The following ERCC1 variants were observed in gnomAD, a reference collection of about 807,000 sequenced individuals.
The protein encoded by ERCC1 is ERCC excision repair 1, endonuclease non-catalytic subunit.
Under a neutral mutation model 37.6 loss-of-function variants are expected in ERCC1, and 36 were observed. The observed-to-expected ratio is 0.96, with a 90% CI of 0.73 to 1.26. The LOEUF (loss-of-function observed/expected upper bound fraction) is 1.26, where lower values mean the gene tolerates loss of function less well. Among genes scored for constraint, ERCC1 ranks in the 50% most tolerant of loss-of-function variants. The probability of loss-of-function intolerance (pLI) is 0.00; values close to 1 mark genes in which losing one functional copy is unlikely to be tolerated. For missense variants in ERCC1, 349 were observed against 376.5 expected (o/e 0.93, Z 0.60); for synonymous variants, 156 against 162.1 (o/e 0.96, Z 0.28).
At chr19:45,430,972 G>A (rs916533330) in intron 1 of ERCC1, among the ~76,000 whole-genome samples, 3 of 151,890 alleles carry the variant, frequency 2.0e-5, no homozygotes, top group Non-Finnish European at 2.9e-5. Flanking sequence ...TACTTAGTTG[G>A]GGGGTGGGGT....
chr19:45,450,197 C>G (rs1244695952), intron 1 of ERCC1, among the ~76,000 whole-genome samples: 1 of 152,118 alleles, frequency 6.6e-6, no homozygotes, highest in Admixed American at 6.6e-5. Context: ...CCTTGCTAGC[C>G]CTGTATCTCT....
chr19:45,409,641 A>AT lies in ERCC1; in HGVS notation c.*33dup, dbSNP rs756488455. 6.8e-7 allele frequency: 1 copy of AT among 1,474,050 alleles called. No individual in the cohort carries two copies. Among genetic ancestry groups the AT allele is most frequent in the Non-Finnish European group, 9.5e-7 (1 of 1,054,840 alleles). 91.3% of individuals were successfully genotyped at this position (1,474,050 alleles called of 1,614,324 possible). On this transcript the variant is annotated 3_prime_UTR_variant, in exon 10 of 10. Coordinates refer to ENST00000300853, the MANE Select transcript of ERCC1 (RefSeq NM_001983.4). ...GCCTGGCCTGGGAGGACGATTTATTATTACACTGGGGGTTTCCTTGGCAGC... is the reference window on the plus strand; with the variant it reads ...GCCTGGCCTGGGAGGACGATTTATTATTTACACTGGGGGTTTCCTTGGCAGC...
At chr19:45,435,537 A>G (rs753666753) in intron 1 of ERCC1, among the ~76,000 whole-genome samples, 1 of 152,150 alleles carries the variant, frequency 6.6e-6, no homozygotes, top group African/African-American at 2.4e-5. Flanking sequence ...ATCACAGCTC[A>G]CTGCAGCCTC....
At chr19:45,410,318 G>C (rs1389238354) in intron 9 of ERCC1, 1 of 151,714 alleles carries the variant, frequency 6.6e-6, no homozygotes, top group Non-Finnish European at 1.5e-5. Flanking sequence ...CGAGTAGCTG[G>C]GCCTAAAGGT....
At chr19:45,415,706 T>C (rs1211329025) in intron 6 of ERCC1, 1 of 417,600 alleles carries the variant, frequency 2.4e-6, no homozygotes, top group African/African-American at 2.3e-5. Flanking sequence ...CCCCGCCAAA[T>C]ACAACCTGGT....
chr19:45,411,582 T>C (rs1973739359), intron 9 of ERCC1, among the ~76,000 whole-genome samples: 1 of 151,760 alleles, frequency 6.6e-6, no homozygotes, highest in South Asian at 2.1e-4. Flanking sequence ...TCACCAGAGG[T>C]CAGGAGTTCA....
At position 45,419,089 on chromosome 19, in the gene ERCC1, C is replaced by T. The variant is rs376918930; in HGVS notation, c.525+9G>A. ...CGGTGAGGCTGGCTAGGGAGCAGCC[C>T]CTGCTTACCACATCCACCTGGACAA... On this transcript the variant is annotated intron_variant, in intron 5 of 9. Coordinates refer to ENST00000300853, the MANE Select transcript of ERCC1 (RefSeq NM_001983.4). 83 of 1,555,116 alleles carry T rather than the reference C, an allele frequency of 5.3e-5. No individual in the cohort carries two copies. The highest frequency in any genetic ancestry group is 6.3e-5 in the Non-Finnish European group (72 of 1,146,226).
chr19:45,431,852 CT>C (rs1258528276), intron 1 of ERCC1, among the ~76,000 whole-genome samples: 2 of 152,096 alleles, frequency 1.3e-5, no homozygotes, highest in Admixed American at 6.5e-5. Context: ...AATTATACCC[CT>C]GGCACCCCAG....
At chr19:45,428,015 G>A (rs1258849121), upstream of ERCC1, among the ~76,000 whole-genome samples, 1 of 151,386 alleles carries the variant, frequency 6.6e-6, no homozygotes, top group Admixed American at 6.6e-5. Context: ...TTATTTCCAA[G>A]TTGGCAAGTT....
chr19:45,438,718 C>T (rs1297768000), intron 1 of ERCC1, among the ~76,000 whole-genome samples: 1 of 151,870 alleles, frequency 6.6e-6, no homozygotes, highest in Non-Finnish European at 1.5e-5. Context: ...CTCGGCTCAG[C>T]GTGACCTCCG....
chr19:45,411,904 T>C (rs1426112003), intron 9 of ERCC1, among the ~76,000 whole-genome samples: 1 of 151,834 alleles, frequency 6.6e-6, no homozygotes, highest in African/African-American at 2.4e-5. Flanking sequence ...TCACCCAGGC[T>C]GGAGTGCAGT....
intron 1 of ERCC1, among the ~76,000 whole-genome samples, chr19:45,437,730 G>C (rs542922338): frequency 3.2e-4 from 49 of 152,292 alleles, no homozygotes; most frequent in African/African-American, 1.1e-3. Context: ...AGAAGATGTT[G>C]ATCAAAGGGT....
chr19:45,446,867 A>G (rs1204585175), intron 1 of ERCC1, among the ~76,000 whole-genome samples: 1 of 152,164 alleles, frequency 6.6e-6, no homozygotes, highest in Non-Finnish European at 1.5e-5. Flanking sequence ...GCGCAGTGGC[A>G]GGCGCCTGTA....
chr19:45,408,633 A>C lies in ERCC1; in HGVS notation c.*1042T>G. The stretch of plus-strand genomic sequence containing the variant: ...AAGAAGAAAAAAAATCAGCAGCTGA[A>C]AGAACCAGAGGCAGCAGGGCCTGTG... On this transcript the variant is annotated 3_prime_UTR_variant, in exon 10 of 10. Coordinates refer to ENST00000300853, the MANE Select transcript of ERCC1 (RefSeq NM_001983.4). 6.2e-7 allele frequency: 1 copy of C among 1,613,836 alleles called. No homozygotes were observed. Among genetic ancestry groups the C allele is most frequent in the Non-Finnish European group, 8.5e-7 (1 of 1,180,014 alleles).
chr19:45,423,199 C>G, intron 2 of ERCC1, 71 bp downstream of exon 2: 1 of 1,466,162 alleles, frequency 6.8e-7, no homozygotes, highest in Non-Finnish European at 9.4e-7. Context: ...CCTGGTCCCA[C>G]AGGCCCCATC....
At chr19:45,433,863 T>C (rs1045815296) in intron 1 of ERCC1, among the ~76,000 whole-genome samples, 3 of 151,994 alleles carry the variant, frequency 2.0e-5, no homozygotes, top group Non-Finnish European at 4.4e-5. Context: ...CTGGGCACAG[T>C]GGCTCACACC....
intron 9 of ERCC1, among the ~76,000 whole-genome samples, chr19:45,412,167 G>GT (rs989248448): frequency 2.7e-5 from 4 of 149,818 alleles, no homozygotes; most frequent in African/African-American, 7.4e-5. Flanking sequence ...CCTATTTTTG[G>GT]TTTTTTTTGA....
At chr19:45,423,676 A>G in intron 1 of ERCC1, 105 bp downstream of exon 1, 1 of 1,262,162 alleles carries the variant, frequency 7.9e-7, no homozygotes, top group Non-Finnish European at 1.0e-6. Context: ...CCCCGAGGCT[A>G]GCATCTGGAC....
At position 45,409,008 on chromosome 19, in the gene ERCC1, T is replaced by C. The variant is rs1291235096; in HGVS notation, c.*667A>G. On this transcript the variant is annotated 3_prime_UTR_variant, in exon 10 of 10. Transcript: ENST00000300853. ...ATGATGGAGCCAGGGACGGAGGCGA[T>C]GGAGCCAGTGGAGCCGGAGATGAAG... The C allele has an allele frequency of 6.2e-7, 1 of 1,613,850 alleles. No homozygotes were observed. Among genetic ancestry groups the C allele is most frequent in the Admixed American group, 1.7e-5 (1 of 59,988 alleles).
Sources: gnomAD v4.1 joint callset for allele counts (sites outside exome capture counted in the v4.1 genomes callset) on GRCh38, gnomAD v4.1.1 for gene constraint, MANE v1.5 for transcripts, NCBI Gene and HGNC (gene_info 2026-07-23, HGNC 2026-07-21) for gene names.